The following FGGY variants were observed in gnomAD, a reference collection of about 807,000 sequenced individuals.
FGGY encodes the protein FGGY carbohydrate kinase domain-containing protein.
FGGY carries 72 observed loss-of-function variants against 71.3 expected under a neutral mutation model. That is an observed-to-expected ratio of 1.01 (90% confidence interval 0.84 to 1.23). The LOEUF (loss-of-function observed/expected upper bound fraction) is 1.23. FGGY is among the 50% of genes most tolerant of loss of function. The pLI, the probability that FGGY is intolerant of heterozygous loss-of-function variation, is 0.00. For missense variants in FGGY, 668 were observed against 682.3 expected, an observed-to-expected ratio of 0.98 and a Z score of 0.23; for synonymous variants, 251 against 250.3, an observed-to-expected ratio of 1.00 and a Z score of -0.02.
intron 2 of FGGY, among the ~76,000 whole-genome samples, chr1:59,325,052 CACCTTATAAA>C (rs2047132962): frequency 6.6e-6 from 1 of 152,100 alleles, no homozygotes; most frequent in South Asian, 2.1e-4. Context: ...GCCCAACTCC[CACCTTATAAA>C]GTAAGCTTAG....
intron 11 of FGGY, among the ~76,000 whole-genome samples, chr1:59,640,963 A>G (rs1558640953): frequency 6.6e-6 from 1 of 150,856 alleles, no homozygotes; most frequent in Non-Finnish European, 1.5e-5. Flanking sequence ...ATATATAAAC[A>G]GGGAATGGAA....
chr1:59,393,919 G>A (rs1481342937), intron 5 of FGGY, among the ~76,000 whole-genome samples: 1 of 152,134 alleles, frequency 6.6e-6, no homozygotes, highest in Non-Finnish European at 1.5e-5. Flanking sequence ...AGTACACATT[G>A]TTCATATTAC....
intron 12 of FGGY, among the ~76,000 whole-genome samples, chr1:59,666,355 GC>G (rs1208696032): frequency 6.6e-6 from 1 of 152,142 alleles, no homozygotes; most frequent in Non-Finnish European, 1.5e-5. Context: ...CCATGTGGCT[GC>G]CCCCTTATGG....
chr1:59,501,477 A>T (rs1027374080), intron 6 of FGGY, among the ~76,000 whole-genome samples: 11 of 152,022 alleles, frequency 7.2e-5, no homozygotes, highest in Non-Finnish European at 1.6e-4. Context: ...TAATATTTTT[A>T]GCACAATGAC....
At chr1:59,372,808 C>T (rs573222505) in intron 4 of FGGY, among the ~76,000 whole-genome samples, 17 of 152,194 alleles carry the variant, frequency 1.1e-4, no homozygotes, top group South Asian at 1.0e-3. Flanking sequence ...AAGACAAAAA[C>T]CACATGATTA....
At chr1:59,302,242 G>A (rs1380223912) in intron 1 of FGGY, among the ~76,000 whole-genome samples, 1 of 151,922 alleles carries the variant, frequency 6.6e-6, no homozygotes, top group African/African-American at 2.4e-5. Flanking sequence ...TAGTTTTCTT[G>A]TATCAGCTAA....
intron 5 of FGGY, among the ~76,000 whole-genome samples, chr1:59,445,628 C>CT (rs1485693760): frequency 6.6e-6 from 1 of 152,188 alleles, no homozygotes; most frequent in Non-Finnish European, 1.5e-5. Flanking sequence ...CCCGAACACC[C>CT]TTTTTTACCA....
intron 1 of FGGY, among the ~76,000 whole-genome samples, chr1:59,311,657 G>A (rs955130686): frequency 3.3e-5 from 5 of 152,112 alleles, no homozygotes; most frequent in African/African-American, 9.7e-5. Flanking sequence ...AAGTATTTGG[G>A]TTGGTTCTAT....
intron 6 of FGGY, among the ~76,000 whole-genome samples, chr1:59,486,489 G>T (rs1558092443): frequency 6.6e-6 from 1 of 152,194 alleles, no homozygotes; most frequent in East Asian, 1.9e-4. Flanking sequence ...GAGTCTTGTA[G>T]TTGGTAAGAT....
intron 8 of FGGY, among the ~76,000 whole-genome samples, chr1:59,561,304 G>A (rs968671266): frequency 1.3e-5 from 2 of 152,130 alleles, no homozygotes; most frequent in Non-Finnish European, 2.9e-5. Flanking sequence ...GTTGTCGTCA[G>A]CCCTCTAGGA....
intron 8 of FGGY, among the ~76,000 whole-genome samples, chr1:59,597,983 C>G (rs2096540346): frequency 2.0e-5 from 3 of 152,236 alleles, no homozygotes; most frequent in African/African-American, 7.2e-5. Context: ...AGAGCTAAGA[C>G]TGCAACTGAT....
At chr1:59,693,489 A>G (rs2097614059) in intron 14 of FGGY, among the ~76,000 whole-genome samples, 1 of 152,268 alleles carries the variant, frequency 6.6e-6, no homozygotes, top group South Asian at 2.1e-4. Context: ...AGTGCCTGGC[A>G]CAGGCAGCGT....
intron 8 of FGGY, among the ~76,000 whole-genome samples, chr1:59,590,271 G>C (rs1024882770): frequency 2.0e-5 from 3 of 152,136 alleles, no homozygotes; most frequent in Admixed American, 2.0e-4. Context: ...AACAATAACA[G>C]GATCTGAAAT....
At position 59,591,805 on chromosome 1, in the gene FGGY, C is replaced by G. The variant is rs144839804; in HGVS notation, c.904-15998C>G. ...AAGTTAATTCAAGATGGATTAAAGA[C>G]TTAAACGTTCGACCTAAAACCATAA... is the stretch of plus-strand genomic sequence containing the variant. On this transcript the variant is annotated intron_variant, in intron 8 of 15. Transcript: ENST00000303721. Among the ~76,000 whole-genome samples the G allele has an allele frequency of 3.3e-5, 5 of 152,344 alleles. No individual in the cohort carries two copies. The East Asian group carries it at 9.6e-4, about 29-fold the overall frequency.
intron 10 of FGGY, among the ~76,000 whole-genome samples, chr1:59,629,190 A>G (rs959947733): frequency 3.3e-5 from 5 of 152,178 alleles, no homozygotes; most frequent in South Asian, 2.1e-4. Flanking sequence ...CATTGTGTAC[A>G]TGTACCCTGG....
chr1:59,683,658 T>G (rs2097523181), intron 14 of FGGY, among the ~76,000 whole-genome samples: 6 of 152,198 alleles, frequency 3.9e-5, no homozygotes, highest in Admixed American at 3.3e-4. Context: ...AAAGAATTCA[T>G]GAGAGGGATG....
chr1:59,590,770 G>A (rs1438401383), intron 8 of FGGY, among the ~76,000 whole-genome samples: 2 of 152,122 alleles, frequency 1.3e-5, no homozygotes, highest in Admixed American at 1.3e-4. Flanking sequence ...AATAAATTAG[G>A]TATTGATGGG....
chr1:59,650,334 C>T (rs1184488907), intron 11 of FGGY, among the ~76,000 whole-genome samples: 3 of 133,602 alleles, frequency 2.2e-5, no homozygotes, highest in Non-Finnish European at 4.5e-5. Context: ...GGCACCAGCT[C>T]CTCTTTGTAC....
At chr1:59,373,643 C>G (rs2058113568) in intron 4 of FGGY, among the ~76,000 whole-genome samples, 1 of 152,156 alleles carries the variant, frequency 6.6e-6, no homozygotes, top group African/African-American at 2.4e-5. Flanking sequence ...ATCACGCTAC[C>G]TGACTTCAAA....
Sources: gnomAD v4.1 joint callset for allele counts (sites outside exome capture counted in the v4.1 genomes callset) on GRCh38, gnomAD v4.1.1 for gene constraint, MANE v1.5 for transcripts, NCBI Gene and HGNC (gene_info 2026-07-23, HGNC 2026-07-21) for gene names.